The following LTBP4 variants were observed in gnomAD, a reference collection of about 807,000 sequenced individuals.
The protein encoded by LTBP4 is latent transforming growth factor beta binding protein 4.
In LTBP4, 93 loss-of-function variants were observed where a neutral mutation model predicts 180.2. That is an observed-to-expected ratio of 0.52 (90% CI 0.44 to 0.61). The LOEUF is 0.61. Ranked by LOEUF, LTBP4 falls within the 20% of genes least tolerant of loss-of-function variation. The pLI is 0.00. For missense variants in LTBP4, 2,116 were observed against 2,256.5 expected, an observed-to-expected ratio of 0.94 and a Z score of 1.26; for synonymous variants, 947 against 934.5, an observed-to-expected ratio of 1.01 and a Z score of -0.24.
rs1422315333 is a variant in LTBP4 at position 40,629,465 on chromosome 19, A to T, written c.4589A>T (p.Asp1530Val). Residue 1530 changes from aspartate (D) to valine (V), a missense_variant, in exon 30 of 30, where the codon GAT becomes GTT. Physicochemically the swap from Asp to Val is radical, Grantham distance 152 (BLOSUM62 -3). Around this residue, in one of 5 missense-constraint regions of LTBP4, gnomAD observed 488 missense variants for 458.8 expected, o/e 1.06. Transcript: ENST00000396819. This position sits in a 1 kb window ranked among gnomAD's most constrained non-coding sequence, Gnocchi z 4.5. ...LCVNARCLNT[D>V]GSFRCICRPG... ...GTCAACGCGCGTTGCCTCAACACGGATGGCTCCTTCCGCTGCATCTGCCGC... is the reference window on the plus strand; with the variant it reads ...GTCAACGCGCGTTGCCTCAACACGGTTGGCTCCTTCCGCTGCATCTGCCGC... The T allele has an allele frequency of 6.2e-7, 1 of 1,610,734 alleles. No individual in the cohort carries two copies. The highest frequency in any genetic ancestry group is 1.1e-5 in the South Asian group (1 of 91,032).
intron 4 of LTBP4, 84 bp from the exon 5 acceptor site, chr19:40,606,149 C>T: frequency 3.2e-6 from 4 of 1,250,458 alleles, no homozygotes; most frequent in Non-Finnish European, 4.6e-6. Context: ...ATCTTTTAGT[C>T]CCTCCCACCC....
intron 22 of LTBP4, among the ~76,000 whole-genome samples, chr19:40,621,448 A>T (rs1391582124): frequency 6.6e-6 from 1 of 152,230 alleles, no homozygotes; most frequent in East Asian, 1.9e-4. Flanking sequence ...TGCTAAGGAC[A>T]TGATTTCATT....
chr19:40,607,449 T>A lies in LTBP4; in HGVS notation c.1076T>A (p.Ile359Asn). Residue 359 changes from isoleucine to asparagine, a missense_variant, in exon 7 of 30, where the codon ATC becomes AAC. Ile to Asn is a moderately radical substitution (Grantham distance 149). Coordinates refer to ENST00000396819, the MANE Select transcript of LTBP4 (RefSeq NM_001042545.2). Reference protein sequence around the residue: ...GGCSLPILRNITKQICCCSRV... With the variant: ...GGCSLPILRNNTKQICCCSRV... The stretch of plus-strand genomic sequence containing the variant: ...TGTTCGCTGCCCATTCTGCGGAACA[T>A]CACTAAACAGATCTGCTGCTGCAGC... The A allele has an allele frequency of 6.2e-7, 1 of 1,613,492 alleles. No individual in the cohort carries two copies. Among genetic ancestry groups the A allele is most frequent in the Non-Finnish European group, 8.5e-7 (1 of 1,179,778 alleles).
chr19:40,627,872 G>A lies in LTBP4; in HGVS notation c.4519+15G>A, dbSNP rs774647947. The A allele has an allele frequency of 9.0e-6, 14 of 1,552,918 alleles. No homozygotes were observed. Among genetic ancestry groups the A allele is most frequent in the African/African-American group, 1.4e-5 (1 of 73,942 alleles). Reference sequence around the variant, plus strand: ...GGCCTGCGTTGGTGAGGGCGGGCCCGGGGCCAGCATGCGCAGGGAGAGGCG... The same window carrying A: ...GGCCTGCGTTGGTGAGGGCGGGCCCAGGGCCAGCATGCGCAGGGAGAGGCG... On this transcript the variant is annotated intron_variant, in intron 29 of 29. Coordinates refer to ENST00000396819, the MANE Select transcript of LTBP4 (RefSeq NM_001042545.2).
chr19:40,610,844 A>T (rs2146028904), intron 12 of LTBP4, 187 bp downstream of exon 12: 1 of 901,254 alleles, frequency 1.1e-6, no homozygotes, highest in South Asian at 1.9e-5. Flanking sequence ...AAGTGATGGG[A>T]AACAGAAAGG....
In LTBP4 at chr19:40,601,392, C is replaced by A. The variant is rs763112634; in HGVS notation, c.5C>A (p.Ala2Glu). The change falls in exon 1 of 30, where the codon GCG (alanine) becomes GAG (glutamate). Residue 2 changes from alanine (A) to glutamate (E), a missense_variant. Ala to Glu is a moderately radical substitution (Grantham distance 107). This residue lies in a region of LTBP4 where 469 missense variants were observed against 532.5 expected (regional missense o/e 0.88). Coordinates refer to ENST00000396819, the MANE Select transcript of LTBP4 (RefSeq NM_001042545.2). Reference protein sequence around the residue: MAGGVRLLWVSL... With the variant: MEGGVRLLWVSL... ...GCGGAGCGCGGCGCTGCAGCCATGG[C>A]GGGCGGCGTGCGGCTGCTCTGGGTG... is the stretch of plus-strand genomic sequence containing the variant. The A allele has an allele frequency of 1.6e-6, 2 of 1,287,600 alleles. No individual in the cohort carries two copies. Among genetic ancestry groups the A allele is most frequent in the Non-Finnish European group, 2.0e-6 (2 of 1,012,032 alleles). The allele number at this position is 1,287,600 out of a possible 1,614,324, so 79.8% of individuals were successfully genotyped here.
rs1466066852 is a variant in LTBP4 at position 40,605,488 on chromosome 19, C to T, written c.526C>T (p.Pro176Ser). ...GCACCAGGTGGAGCGTGTGTCTGGC[C>T]CTTGGGAGGAGGCGGACGCTGAGGC... ...VVHQVERVSG[P>S]WEEADAEAVA... The change falls in exon 3 of 30, where the codon CCT (proline) becomes TCT (serine). Residue 176 changes from proline to serine, a missense_variant. By Grantham distance (74) the Pro-to-Ser change is moderately conservative (BLOSUM62 -1). Coordinates refer to ENST00000396819, the MANE Select transcript of LTBP4 (RefSeq NM_001042545.2). This position sits in a 1 kb window ranked among gnomAD's most constrained non-coding sequence, Gnocchi z 5.5. The T allele has an allele frequency of 6.2e-7, 1 of 1,611,674 alleles. No homozygotes were observed. The highest frequency in any genetic ancestry group is 8.5e-7 in the Non-Finnish European group (1 of 1,179,586).
At chr19:40,600,200 C>T, upstream of LTBP4, 1 of 1,216,234 alleles carries the variant, frequency 8.2e-7, no homozygotes, top group Non-Finnish European at 1.0e-6. The surrounding 1 kb of genome is among the most constrained non-coding windows in gnomAD (Gnocchi z 4.4). Flanking sequence ...GCCTTTCCTC[C>T]GCCTGGGGCG....
At chr19:40,598,995 T>G (rs1169371629), upstream of LTBP4, among the ~76,000 whole-genome samples, 3 of 152,232 alleles carry the variant, frequency 2.0e-5, no homozygotes, top group Non-Finnish European at 4.4e-5. Flanking sequence ...ACGGTTTCTG[T>G]GCCCTTCAGC....
At chr19:40,603,914 C>G (rs2146019048) in intron 1 of LTBP4, among the ~76,000 whole-genome samples, 1 of 152,384 alleles carries the variant, frequency 6.6e-6, no homozygotes, top group East Asian at 1.9e-4. Flanking sequence ...TTTACCCCGC[C>G]GCACAGCTGG....
chr19:40,606,084 G>A (rs1386455530), intron 4 of LTBP4, 149 bp from the exon 5 acceptor site: 7 of 834,780 alleles, frequency 8.4e-6, no homozygotes, highest in African/African-American at 3.4e-5. Context: ...AGTCTCCAAT[G>A]TTGCCATTTC....
At chr19:40,600,405 A>G (rs575064118), upstream of LTBP4, among the ~76,000 whole-genome samples, 1 of 152,240 alleles carries the variant, frequency 6.6e-6, no homozygotes, top group East Asian at 1.9e-4. The surrounding 1 kb of genome is among the most constrained non-coding windows in gnomAD (Gnocchi z 4.4). Context: ...TGGGGCCGGG[A>G]AGCCAGGCGT....
In LTBP4 at chr19:40,611,427, C is replaced by A; in HGVS notation, c.2053+33C>A. On this transcript the variant is annotated intron_variant, in intron 13 of 29. Transcript: ENST00000396819. This position sits in a 1 kb window ranked among gnomAD's most constrained non-coding sequence, Gnocchi z 4.4. The stretch of plus-strand genomic sequence containing the variant: ...TGCTGAGCCCAGCCCTACTCCATCA[C>A]TGTTTGCTGTGGAGACTGGAGAGAG... 1 of 1,582,532 alleles carries A rather than the reference C, an allele frequency of 6.3e-7. No homozygotes were observed. The highest frequency in any genetic ancestry group is 1.1e-5 in the South Asian group (1 of 88,828).
At chr19:40,607,614 GC>G in intron 7 of LTBP4, 85 bp downstream of exon 7, 2 of 1,417,166 alleles carry the variant, frequency 1.4e-6, no homozygotes, top group East Asian at 5.0e-5. Flanking sequence ...TGAGTTCACT[GC>G]CCCAACCTGA....
At chr19:40,627,496 C>G in intron 28 of LTBP4, 141 bp downstream of exon 28, 2 of 1,308,722 alleles carry the variant, frequency 1.5e-6, no homozygotes, top group Middle Eastern at 2.7e-4. Context: ...AGAGAAGTGT[C>G]TATAGCCCGG....
Position 40,605,442 on chromosome 19 carries a change from G to A in LTBP4, c.480G>A (p.Pro160=). Reference sequence around the variant, plus strand: ...TGGTGAGCGTCCACGTGGAGCACCCGCAGGAGGCGTCGGTGGTGGTGCACC... The same window carrying A: ...TGGTGAGCGTCCACGTGGAGCACCCACAGGAGGCGTCGGTGGTGGTGCACC... ...ASMVSVHVEH[P]QEASVVVHQV... Residue 160 remains proline, a synonymous_variant, in exon 3 of 30, where the codon CCG becomes CCA. Transcript: ENST00000396819. The surrounding 1 kb of genome is among the most constrained non-coding windows in gnomAD (Gnocchi z 5.5). 3 of 1,612,812 alleles carry A rather than the reference G, an allele frequency of 1.9e-6. No individual in the cohort carries two copies. The highest frequency in any genetic ancestry group is 2.5e-6 in the Non-Finnish European group (3 of 1,179,864).
At chr19:40,596,833 G>C (rs745658864), upstream of LTBP4, among the ~76,000 whole-genome samples, 14 of 152,238 alleles carry the variant, frequency 9.2e-5, 1 homozygote, top group African/African-American at 1.2e-4. Context: ...TGGGAGCAGA[G>C]AGCTGAGGAC....
At position 40,627,367 on chromosome 19, in the gene LTBP4, C is replaced by T. The variant is rs373501021; in HGVS notation, c.4366+12C>T. 74 of 1,487,542 alleles carry T rather than the reference C, an allele frequency of 5.0e-5. 1 individual carries two copies. In the Middle Eastern group the frequency reaches 7.7e-4, roughly 15 times the overall value. 92.1% of individuals were successfully genotyped at this position (1,487,542 alleles called of 1,614,324 possible). ...TGGAAGCTATGCTGGTGAGCACTGC[C>T]AGCGCATGATGAGACTGAGATGAGG... On this transcript the variant is annotated intron_variant, in intron 28 of 29. Transcript: ENST00000396819.
intron 19 of LTBP4, among the ~76,000 whole-genome samples, chr19:40,616,258 C>T (rs796216126): frequency 2.7e-5 from 4 of 150,262 alleles, no homozygotes; most frequent in African/African-American, 9.9e-5. Context: ...CCTGTCACTA[C>T]ACTCCAGCCT....
Sources: allele counts gnomAD v4.1 joint callset (sites outside exome capture counted in the v4.1 genomes callset), GRCh38; gene constraint gnomAD v4.1.1; regional missense constraint gnomAD v4.1.1; non-coding constraint Gnocchi (gnomAD v3.1); transcripts MANE v1.5; gene names NCBI Gene and HGNC (gene_info 2026-07-23, HGNC 2026-07-21).